Variants in POU6F2 observed in about 807,000 individuals in gnomAD.
The protein encoded by POU6F2 is POU domain, class 6, transcription factor 2.
In POU6F2, 31 loss-of-function variants were observed where a neutral mutation model predicts 71.3. The observed-to-expected ratio is 0.43, with a 90% CI of 0.33 to 0.59. The LOEUF (loss-of-function observed/expected upper bound fraction) is 0.59. Ranked by LOEUF, POU6F2 falls within the 20% of genes least tolerant of loss-of-function variation. The pLI is 0.04. For synonymous variants in POU6F2, 347 were observed against 355.7 expected (o/e 0.98, Z 0.27); for missense variants, 783 against 856.8 (o/e 0.91, Z 1.07).
At chr7:39,430,691 G>A (rs1788080024) in intron 6 of POU6F2, among the ~76,000 whole-genome samples, 1 of 152,130 alleles carries the variant, frequency 6.6e-6, no homozygotes. Context: ...ACTGTCATGT[G>A]CTGTGCTCAC....
chr7:39,038,313 T>A (rs570018033), intron 1 of POU6F2, among the ~76,000 whole-genome samples: 11 of 152,180 alleles, frequency 7.2e-5, no homozygotes, highest in African/African-American at 2.6e-4. Context: ...AAAATTTGCA[T>A]TTGTTTCAGG....
At position 39,215,855 on chromosome 7, in the gene POU6F2, A is replaced by G. The variant is rs908189939; in HGVS notation, c.598+8235A>G. 2.0e-5 allele frequency among the ~76,000 whole-genome samples: 3 copies of G among 152,200 alleles called. No homozygotes were observed. In the East Asian group the frequency reaches 5.8e-4, roughly 29 times the overall value. On this transcript the variant is annotated intron_variant, in intron 4 of 9. Coordinates refer to ENST00000518318, the MANE Select transcript of POU6F2 (RefSeq NM_001370959.1). The stretch of plus-strand genomic sequence containing the variant: ...TAAGTGCTAAGCACAAAATCTCAAA[A>G]TCTCCAACAGGAAGGTGTGTTTCTT...
chr7:39,025,749 C>T (rs1102669), intron 1 of POU6F2, among the ~76,000 whole-genome samples: 5 of 148,796 alleles, frequency 3.4e-5, no homozygotes, highest in Non-Finnish European at 7.5e-5. Context: ...ATTGACAAAT[C>T]GGATCTAATT....
chr7:39,282,470 G>A (rs1291550718), intron 4 of POU6F2, among the ~76,000 whole-genome samples: 1 of 152,098 alleles, frequency 6.6e-6, no homozygotes, highest in Non-Finnish European at 1.5e-5. Context: ...TGTGATGAGA[G>A]ATGGGGGTCT....
At chr7:39,346,841 A>T (rs1426150938) in intron 5 of POU6F2, among the ~76,000 whole-genome samples, 1 of 152,222 alleles carries the variant, frequency 6.6e-6, no homozygotes, top group Non-Finnish European at 1.5e-5. Flanking sequence ...TGGTTTTTAA[A>T]TTAACTTCCA....
intron 8 of POU6F2, among the ~76,000 whole-genome samples, chr7:39,452,022 G>C (rs541897005): frequency 1.3e-5 from 2 of 152,212 alleles, no homozygotes; most frequent in Non-Finnish European, 2.9e-5. Flanking sequence ...TTCAGGGCAT[G>C]AGCCACATAG....
At chr7:39,194,982 A>G (rs1793755006) in intron 2 of POU6F2, among the ~76,000 whole-genome samples, 1 of 152,110 alleles carries the variant, frequency 6.6e-6, no homozygotes, top group Non-Finnish European at 1.5e-5. Flanking sequence ...CGCACACACC[A>G]TCTTTAAGAA....
intron 5 of POU6F2, among the ~76,000 whole-genome samples, chr7:39,391,251 T>C (rs1583569048): frequency 6.6e-6 from 1 of 152,182 alleles, no homozygotes; most frequent in East Asian, 1.9e-4. Flanking sequence ...CTTAGAAAAG[T>C]AAACATGTTT....
At chr7:39,114,309 G>A (rs978065243) in intron 2 of POU6F2, among the ~76,000 whole-genome samples, 2 of 152,068 alleles carry the variant, frequency 1.3e-5, no homozygotes, top group African/African-American at 4.8e-5. Context: ...TAAATAAGAG[G>A]GAAGCTCATT....
intron 8 of POU6F2, among the ~76,000 whole-genome samples, chr7:39,459,367 G>A (rs1788886374): frequency 6.6e-6 from 1 of 152,134 alleles, no homozygotes; most frequent in African/African-American, 2.4e-5. Flanking sequence ...TGTACATGAA[G>A]CTCCAAGCTC....
intron 5 of POU6F2, among the ~76,000 whole-genome samples, chr7:39,403,209 T>C (rs1787344357): frequency 6.6e-6 from 1 of 152,242 alleles, no homozygotes; most frequent in South Asian, 2.1e-4. Context: ...TATTCTGTTG[T>C]TGTATTCTCT....
chr7:39,399,418 C>T (rs545154422), intron 5 of POU6F2, among the ~76,000 whole-genome samples: 70 of 152,306 alleles, frequency 4.6e-4, no homozygotes, highest in African/African-American at 1.4e-3. Flanking sequence ...CACTTCTGTC[C>T]GACTTGGCTA....
At chr7:39,381,387 G>A (rs776280289) in intron 5 of POU6F2, among the ~76,000 whole-genome samples, 2 of 152,008 alleles carry the variant, frequency 1.3e-5, no homozygotes, top group South Asian at 2.1e-4. Flanking sequence ...ACAGGCACGC[G>A]CCACCACACC....
chr7:39,032,404 AT>A (rs1789964737), intron 1 of POU6F2, among the ~76,000 whole-genome samples: 1 of 152,236 alleles, frequency 6.6e-6, no homozygotes, highest in African/African-American at 2.4e-5. Flanking sequence ...TGCAGCCGCC[AT>A]CCCTGATAAG....
At chr7:39,421,021 G>C (rs1408951106) in intron 6 of POU6F2, among the ~76,000 whole-genome samples, 1 of 152,142 alleles carries the variant, frequency 6.6e-6, no homozygotes, top group Non-Finnish European at 1.5e-5. Flanking sequence ...GTAGGAATTA[G>C]AAAACTATGA....
intron 4 of POU6F2, among the ~76,000 whole-genome samples, chr7:39,264,775 TATAC>T (rs927288709): frequency 6.6e-6 from 1 of 152,206 alleles, no homozygotes; most frequent in Non-Finnish European, 1.5e-5. Context: ...TATATGCATA[TATAC>T]ATACATATAT....
At chr7:39,090,447 G>A (rs1192563937) in intron 2 of POU6F2, among the ~76,000 whole-genome samples, 1 of 152,058 alleles carries the variant, frequency 6.6e-6, no homozygotes, top group East Asian at 1.9e-4. Context: ...GACTGCACTT[G>A]GGGGTGAGGC....
intron 2 of POU6F2, among the ~76,000 whole-genome samples, chr7:39,107,039 C>CTTTTTTTTTTTTTTTTTTTTTTTT (rs70977458): frequency 7.6e-5 from 10 of 130,906 alleles, no homozygotes; most frequent in Non-Finnish European, 9.8e-5. Flanking sequence ...TTCTTTCTTT[C>CTTTTTTTTTTTTTTTTTTTTTTTT]TTTTTTTTTT....
At chr7:39,207,760 A>T in intron 4 of POU6F2, 140 bp downstream of exon 4, 1 of 754,046 alleles carries the variant, frequency 1.3e-6, no homozygotes, top group East Asian at 2.7e-5. Context: ...AGGCTTCCAC[A>T]GGAAGCAAAA....
Sources: gnomAD v4.1 joint callset for allele counts (sites outside exome capture counted in the v4.1 genomes callset) on GRCh38, gnomAD v4.1.1 for gene constraint, MANE v1.5 for transcripts, NCBI Gene and HGNC (gene_info 2026-07-23, HGNC 2026-07-21) for gene names.